ARHGAP22: variants seen among roughly 807,000 people sequenced by gnomAD.
The protein encoded by ARHGAP22 is Rho GTPase activating protein 22, also known as rho GTPase-activating protein 22.
In ARHGAP22, 48 loss-of-function variants were observed where a neutral mutation model predicts 59.1. That is an observed-to-expected ratio of 0.81 (90% CI 0.64 to 1.03). The LOEUF is 1.03. ARHGAP22 is among the 50% of genes least tolerant of loss of function. The pLI, the probability that ARHGAP22 is intolerant of heterozygous loss-of-function variation, is 0.00. For missense variants in ARHGAP22, 1,015 were observed against 958.7 expected (o/e 1.06, Z -0.78); for synonymous variants, 445 against 416.4 (o/e 1.07, Z -0.84).
At chr10:48,445,990 T>G (rs878896267), downstream of ARHGAP22, 6 of 255,100 alleles carry the variant, frequency 2.4e-5, no homozygotes, top group Admixed American at 1.0e-4. Context: ...CTGTATTGTG[T>G]CCTGTATTGC....
At position 48,479,018 on chromosome 10, in the gene ARHGAP22, C is replaced by T. The variant is rs148223558; in HGVS notation, c.451+618G>A. 1,220 of 153,026 alleles carry T rather than the reference C, an allele frequency of 8.0e-3. 15 individuals carry two copies. Among genetic ancestry groups the T allele is most frequent in the African/African-American group, 0.028 (1,163 of 41,540 alleles). The allele number at this position is 153,026 out of a possible 1,614,324, so 9.5% of individuals were successfully genotyped here. ...AAAATAAAAAATCCCCACCAGGACC[C>T]CAAGGCCTTGGTGACCACTCTTACC... On this transcript the variant is annotated intron_variant, in intron 4 of 9. Coordinates refer to ENST00000249601, the MANE Select transcript of ARHGAP22 (RefSeq NM_021226.4).
At chr10:48,656,265 T>TGGGGGGGGGGG (rs760924651), upstream of ARHGAP22, 2 of 101,636 alleles carry the variant, frequency 2.0e-5, no homozygotes, top group African/African-American at 5.7e-5. Flanking sequence ...TCGGCGCCTC[T>TGGGGGGGGGGG]GGGGGGGGGG....
chr10:48,437,903 T>C, the ARHGAP22 span: 1 of 152,226 alleles, frequency 6.6e-6, no homozygotes, highest in Non-Finnish European at 1.5e-5. Context: ...AATCCTGCTG[T>C]GTTGTCTAAA....
In ARHGAP22 at chr10:48,523,804, GC is replaced by G. The variant is rs553184409; in HGVS notation, c.322+31658del. On this transcript the variant is annotated intron_variant, in intron 3 of 9. Coordinates refer to ENST00000249601, the MANE Select transcript of ARHGAP22 (RefSeq NM_021226.4). Reference sequence around the variant, plus strand: ...CCGCTCTACCCACTCCCGCCCAGGGGCCGGACCCCACCCCCACTCCCACATG... The same window carrying G: ...CCGCTCTACCCACTCCCGCCCAGGGGCGGACCCCACCCCCACTCCCACATG... Among the ~76,000 whole-genome samples the G allele has an allele frequency of 8.5e-3, 1,296 of 152,184 alleles. 19 individuals carry two copies. Among genetic ancestry groups the G allele is most frequent in the African/African-American group, 0.03 (1,242 of 41,538 alleles).
At position 48,446,228 on chromosome 10, in the gene ARHGAP22, G is replaced by C. The variant is rs2045338261; in HGVS notation, c.*163C>G. 2.9e-6 allele frequency: 2 copies of C among 693,350 alleles called. No homozygotes were observed. Among genetic ancestry groups the C allele is most frequent in the East Asian group, 2.7e-5 (1 of 37,108 alleles). The allele number at this position is 693,350 out of a possible 1,614,324, so 42.9% of individuals were successfully genotyped here. A position where few individuals can be genotyped will look rare whatever the true frequency, so the allele number is the denominator to read the frequency against. ...CAGCATCTGATCCCACCTGGAGTGTGTGGGGTCCCAAAAGTCCCCACAGTC... is the reference window on the plus strand; with the variant it reads ...CAGCATCTGATCCCACCTGGAGTGTCTGGGGTCCCAAAAGTCCCCACAGTC... On this transcript the variant is annotated 3_prime_UTR_variant, in exon 10 of 10. Transcript: ENST00000249601.
intron 1 of ARHGAP22, chr10:48,625,192 G>T (rs1323510490): frequency 1.3e-5 from 2 of 152,194 alleles, no homozygotes; most frequent in Non-Finnish European, 2.9e-5. Flanking sequence ...TGAGGTCATA[G>T]AGGAAGTCCC....
chr10:48,573,237 A>G (rs1416255018), intron 2 of ARHGAP22, among the ~76,000 whole-genome samples: 1 of 152,204 alleles, frequency 6.6e-6, no homozygotes, highest in Non-Finnish European at 1.5e-5. Flanking sequence ...GAAGGCCACA[A>G]CTAGGGTATT....
chr10:48,480,836 A>T (rs1237835285), intron 3 of ARHGAP22, among the ~76,000 whole-genome samples: 2 of 152,256 alleles, frequency 1.3e-5, no homozygotes, highest in African/African-American at 2.4e-5. Context: ...TGGCACAGCC[A>T]GAGATTCAAG....
intron 1 of ARHGAP22, among the ~76,000 whole-genome samples, chr10:48,635,010 G>GA (rs1411226402): frequency 1.3e-5 from 2 of 152,080 alleles, no homozygotes; most frequent in Admixed American, 6.6e-5. Flanking sequence ...TCCAGAATGG[G>GA]AAAAAATACA....
chr10:48,639,808 A>G (rs934899247), intron 1 of ARHGAP22, among the ~76,000 whole-genome samples: 3 of 152,234 alleles, frequency 2.0e-5, no homozygotes, highest in African/African-American at 7.2e-5. Context: ...CAACCAAAAA[A>G]CAAAAGGGAA....
chr10:48,493,355 A>G (rs1466309050), intron 3 of ARHGAP22: 1 of 1,372,876 alleles, frequency 7.3e-7, no homozygotes, highest in East Asian at 2.5e-5. Flanking sequence ...ACCAAACACC[A>G]CTTCCCTTTC....
At chr10:48,561,998 G>A (rs982555203) in intron 2 of ARHGAP22, among the ~76,000 whole-genome samples, 2 of 152,168 alleles carry the variant, frequency 1.3e-5, no homozygotes, top group African/African-American at 4.8e-5. Flanking sequence ...GGGCCGAGGT[G>A]GGCAGATCAC....
intron 2 of ARHGAP22, among the ~76,000 whole-genome samples, chr10:48,563,218 T>G (rs10857597): frequency 0.84 from 116,252 of 138,432 alleles, 48,473 homozygotes; most frequent in East Asian, 0.9. Context: ...TTTTGAGACG[T>G]ATTCTTGCTC....
intron 1 of ARHGAP22, among the ~76,000 whole-genome samples, chr10:48,644,060 T>A (rs1322861012): frequency 6.6e-6 from 1 of 152,108 alleles, no homozygotes; most frequent in Non-Finnish European, 1.5e-5. Flanking sequence ...GGCAGGAGAA[T>A]CGCTTGAACC....
the ARHGAP22 span, chr10:48,435,038 G>T: frequency 4.8e-5 from 27 of 560,202 alleles, no homozygotes; most frequent in Non-Finnish European, 7.9e-5. Flanking sequence ...GACTACTTGG[G>T]CCATCGGGGG....
At chr10:48,507,572 CAG>C (rs1298949250) in intron 3 of ARHGAP22, among the ~76,000 whole-genome samples, 3 of 152,144 alleles carry the variant, frequency 2.0e-5, no homozygotes, top group African/African-American at 4.8e-5. Flanking sequence ...TGCAGGCACA[CAG>C]AGTGAAAAGT....
chr10:48,478,880 C>T (rs1404485808), intron 4 of ARHGAP22, among the ~76,000 whole-genome samples: 1 of 152,174 alleles, frequency 6.6e-6, no homozygotes, highest in East Asian at 1.9e-4. Context: ...CTACTGCTGT[C>T]CCTCTATGGT....
At chr10:48,458,744 C>T (rs575004552) in intron 5 of ARHGAP22, among the ~76,000 whole-genome samples, 4 of 152,186 alleles carry the variant, frequency 2.6e-5, no homozygotes, top group Non-Finnish European at 4.4e-5. Flanking sequence ...ACGACAAGCT[C>T]ACTGAGCGTC....
At chr10:48,552,208 C>T (rs1274022829) in intron 3 of ARHGAP22, among the ~76,000 whole-genome samples, 1 of 152,270 alleles carries the variant, frequency 6.6e-6, no homozygotes, top group Non-Finnish European at 1.5e-5. Flanking sequence ...AAGTTTTTCC[C>T]CCTCTTGGGG....
Sources: allele counts gnomAD v4.1 joint callset (sites outside exome capture counted in the v4.1 genomes callset), GRCh38; gene constraint gnomAD v4.1.1; transcripts MANE v1.5; gene names NCBI Gene and HGNC (gene_info 2026-07-23, HGNC 2026-07-21).